Variants in RAP1GAP2 observed in about 807,000 individuals in gnomAD.
The protein encoded by RAP1GAP2 is RAP1 GTPase activating protein 2, also known as rap1 GTPase-activating protein 2.
A neutral mutation model predicts 95.0 loss-of-function variants in RAP1GAP2; 27 were observed. The ratio of observed to expected loss-of-function variants is 0.28; its 90% CI spans 0.21 to 0.39. The LOEUF (loss-of-function observed/expected upper bound fraction) is 0.39, where lower values mean the gene tolerates loss of function less well. RAP1GAP2 is among the 10% of genes least tolerant of loss of function. The pLI, the probability that RAP1GAP2 is intolerant of heterozygous loss-of-function variation, is 1.00. For synonymous variants in RAP1GAP2, 373 were observed against 380.9 expected (o/e 0.98, Z 0.24); for missense variants, 771 against 970.0 (o/e 0.79, Z 2.72).
intron 1 of RAP1GAP2, among the ~76,000 whole-genome samples, chr17:2,767,878 A>G (rs193258808): frequency 9.8e-4 from 149 of 151,898 alleles, no homozygotes; most frequent in African/African-American, 3.5e-3. Context: ...GATTACAGGT[A>G]CCTGCCACCA....
chr17:2,811,972 C>A (rs779912025), intron 2 of RAP1GAP2, among the ~76,000 whole-genome samples: 12 of 152,174 alleles, frequency 7.9e-5, no homozygotes, highest in Admixed American at 5.9e-4. Context: ...AGCTCGGCCT[C>A]CCAAAGTGCT....
At chr17:3,031,759 A>G (rs55751141) in intron 23 of RAP1GAP2, among the ~76,000 whole-genome samples, 2 of 94,444 alleles carry the variant, frequency 2.1e-5, no homozygotes, top group African/African-American at 4.4e-5. Context: ...TCCTGAGCTC[A>G]CCAGACTATC....
intron 3 of RAP1GAP2, among the ~76,000 whole-genome samples, chr17:2,949,063 G>A (rs1463562192): frequency 1.3e-5 from 2 of 152,220 alleles, no homozygotes; most frequent in Non-Finnish European, 2.9e-5. Context: ...TCTGAAGGAA[G>A]ACCAGGCTGT....
At chr17:2,795,111 C>T (rs2069034591), upstream of RAP1GAP2, among the ~76,000 whole-genome samples, 1 of 151,798 alleles carries the variant, frequency 6.6e-6, no homozygotes, top group Non-Finnish European at 1.5e-5. Flanking sequence ...CTCCTGACCT[C>T]AGGTGATCCA....
At position 3,035,873 on chromosome 17, in the gene RAP1GAP2, G is replaced by A. The variant is rs1262622876; in HGVS notation, c.*2512G>A. 3 of 152,194 alleles carry A rather than the reference G, an allele frequency of 2.0e-5. No homozygotes were observed. The highest frequency in any genetic ancestry group is 4.4e-5 in the Non-Finnish European group (3 of 68,058). 9.4% of individuals were successfully genotyped at this position (152,194 alleles called of 1,614,324 possible). A position where few individuals can be genotyped will look rare whatever the true frequency, so the allele number is the denominator to read the frequency against. Reference sequence around the variant, plus strand: ...CCTTTTATGCTGCGCCCAGTCTTGGGGCTCAAAGATTTGCCCAAACCTCAT... The same window carrying A: ...CCTTTTATGCTGCGCCCAGTCTTGGAGCTCAAAGATTTGCCCAAACCTCAT... On this transcript the variant is annotated 3_prime_UTR_variant, in exon 25 of 25. Transcript: ENST00000254695. The surrounding 1 kb of genome is among the most constrained non-coding windows in gnomAD (Gnocchi z 4.3).
At chr17:2,884,565 G>A (rs1318801983) in intron 2 of RAP1GAP2, among the ~76,000 whole-genome samples, 1 of 151,928 alleles carries the variant, frequency 6.6e-6, no homozygotes, top group South Asian at 2.1e-4. Flanking sequence ...TGGAAAAGGG[G>A]GTTTCACCAT....
At chr17:2,759,591 C>T (rs1406596931) in intron 1 of RAP1GAP2, among the ~76,000 whole-genome samples, 1 of 152,162 alleles carries the variant, frequency 6.6e-6, no homozygotes, top group Non-Finnish European at 1.5e-5. Context: ...GCTGGGATTA[C>T]AGGCGCCTGC....
intron 2 of RAP1GAP2, among the ~76,000 whole-genome samples, chr17:2,858,124 T>C (rs1388528961): frequency 6.6e-6 from 1 of 152,136 alleles, no homozygotes; most frequent in African/African-American, 2.4e-5. Context: ...TTCTGAAAGA[T>C]GTGGATAAAG....
At chr17:2,987,093 A>G (rs1318770110) in intron 11 of RAP1GAP2, among the ~76,000 whole-genome samples, 2 of 152,182 alleles carry the variant, frequency 1.3e-5, no homozygotes, top group African/African-American at 4.8e-5. Flanking sequence ...GCAATAGACA[A>G]TAGATAAATG....
intron 2 of RAP1GAP2, among the ~76,000 whole-genome samples, chr17:2,836,180 C>G (rs1429157108): frequency 1.3e-5 from 2 of 151,992 alleles, no homozygotes; most frequent in Non-Finnish European, 2.9e-5. Context: ...TTATTTTGTT[C>G]CCTCCTGTGT....
In RAP1GAP2 at chr17:2,965,850, G is replaced by A. The variant is rs796390026; in HGVS notation, c.596+207G>A. 7 of 572,188 alleles carry A rather than the reference G, an allele frequency of 1.2e-5. No homozygotes were observed. The African/African-American group carries it at 1.3e-4, about 11-fold the overall frequency. 35.4% of individuals were successfully genotyped at this position (572,188 alleles called of 1,614,324 possible). A position where few individuals can be genotyped will look rare whatever the true frequency, so the allele number is the denominator to read the frequency against. ...CACGCGCTCCACCAGTTAGCTGACAGTCAGAGGGGCATCCAGGTCTCAAGG... is the reference window on the plus strand; with the variant it reads ...CACGCGCTCCACCAGTTAGCTGACAATCAGAGGGGCATCCAGGTCTCAAGG... On this transcript the variant is annotated intron_variant, in intron 8 of 24. Transcript: ENST00000254695. This position sits in a 1 kb window ranked among gnomAD's most constrained non-coding sequence, Gnocchi z 4.7.
chr17:3,013,458 G>C (rs1396288281), intron 17 of RAP1GAP2, among the ~76,000 whole-genome samples: 2 of 152,074 alleles, frequency 1.3e-5, no homozygotes, highest in Non-Finnish European at 2.9e-5. Flanking sequence ...GTTGGCATCT[G>C]TCTTGCATTT....
At chr17:2,983,347 C>A (rs565700410) in intron 10 of RAP1GAP2, among the ~76,000 whole-genome samples, 42 of 152,230 alleles carry the variant, frequency 2.8e-4, no homozygotes, top group African/African-American at 1.0e-3. Flanking sequence ...ACCTTTCACA[C>A]TGGTGCCTTT....
Position 2,859,535 on chromosome 17 carries a change from G to A in RAP1GAP2, c.81-45749G>A, listed in dbSNP as rs188942533. ...ACTGCAACTTCCGCCTCCTGGGCTC[G>A]AGTGATTCTCCCACCTCAGCCTCCC... On this transcript the variant is annotated intron_variant, in intron 2 of 24. Coordinates refer to ENST00000254695, the MANE Select transcript of RAP1GAP2 (RefSeq NM_015085.5). Among the ~76,000 whole-genome samples the A allele has an allele frequency of 5.2e-3, 792 of 152,070 alleles. 4 individuals are homozygous for A. The highest frequency in any genetic ancestry group is 9.3e-3 in the Non-Finnish European group (633 of 67,988).
At chr17:3,016,544 G>A (rs949539367) in intron 17 of RAP1GAP2, among the ~76,000 whole-genome samples, 6 of 152,222 alleles carry the variant, frequency 3.9e-5, no homozygotes, top group Admixed American at 6.5e-5. Flanking sequence ...TTTCAGCATC[G>A]CCCAATGTGA....
At chr17:2,840,687 A>G (rs1008637337) in intron 2 of RAP1GAP2, among the ~76,000 whole-genome samples, 1 of 152,088 alleles carries the variant, frequency 6.6e-6, no homozygotes. Flanking sequence ...AAATGATTAT[A>G]TCCATTTATG....
intron 17 of RAP1GAP2, among the ~76,000 whole-genome samples, 194 bp from the exon 18 acceptor site, chr17:3,017,867 A>C (rs929197862): frequency 6.6e-6 from 1 of 152,028 alleles, no homozygotes; most frequent in African/African-American, 2.4e-5. Flanking sequence ...GGGGCAGAAT[A>C]TGGAAACATC....
chr17:2,781,422 C>T (rs148399872), intron 1 of RAP1GAP2, among the ~76,000 whole-genome samples: 1 of 152,330 alleles, frequency 6.6e-6, no homozygotes, highest in African/African-American at 2.4e-5. Flanking sequence ...TTGGTGTGCA[C>T]GTGTGGCCTT....
At chr17:2,948,677 AGGGTGGTG>A in intron 3 of RAP1GAP2, among the ~76,000 whole-genome samples, 3 of 150,150 alleles carry the variant, frequency 2.0e-5, no homozygotes, top group African/African-American at 7.3e-5. Context: ...GGGAGGGCAC[AGGGTGGTG>A]ATGAGATGGA....
Sources: gnomAD v4.1 joint callset for allele counts (sites outside exome capture counted in the v4.1 genomes callset) on GRCh38, gnomAD v4.1.1 for gene constraint, Gnocchi (gnomAD v3.1) non-coding constraint, MANE v1.5 for transcripts, NCBI Gene and HGNC (gene_info 2026-07-23, HGNC 2026-07-21) for gene names.